TNFRSF10D: variants seen among roughly 807,000 people sequenced by gnomAD.
The protein encoded by TNFRSF10D is TNF receptor superfamily member 10d.
Under a neutral mutation model 42.1 loss-of-function variants are expected in TNFRSF10D, and 28 were observed. That is an observed-to-expected ratio of 0.66 (90% CI 0.49 to 0.91). The LOEUF is 0.91. TNFRSF10D is among the 40% of genes least tolerant of loss of function. The pLI is 0.00. For missense variants in TNFRSF10D, 503 were observed against 486.1 expected (o/e 1.03, Z -0.33); for synonymous variants, 186 against 189.4 (o/e 0.98, Z 0.15).
At chr8:23,158,271 A>G (rs1313964515) in intron 1 of TNFRSF10D, among the ~76,000 whole-genome samples, 1 of 152,190 alleles carries the variant, frequency 6.6e-6, no homozygotes, top group Non-Finnish European at 1.5e-5. Context: ...GAAGAGCTGA[A>G]GGTGCTGTGG....
At chr8:23,138,164 C>A in intron 8 of TNFRSF10D, 24 bp downstream of exon 8, 3 of 1,614,138 alleles carry the variant, frequency 1.9e-6, no homozygotes, top group Non-Finnish European at 2.5e-6. Flanking sequence ...CCTCCTGCTG[C>A]GTCTCAAGGC....
chr8:23,155,440 C>A (rs1398076931), intron 1 of TNFRSF10D, among the ~76,000 whole-genome samples: 1 of 151,974 alleles, frequency 6.6e-6, no homozygotes, highest in Non-Finnish European at 1.5e-5. Flanking sequence ...ACACAAAAGG[C>A]CAGGCGCGGT....
intron 2 of TNFRSF10D, among the ~76,000 whole-genome samples, chr8:23,153,625 C>T (rs754975337): frequency 6.6e-6 from 1 of 152,074 alleles, no homozygotes; most frequent in Non-Finnish European, 1.5e-5. Context: ...GAAAAAAATG[C>T]TCAACATCAC....
intron 7 of TNFRSF10D, among the ~76,000 whole-genome samples, chr8:23,140,748 C>T (rs1236678535): frequency 6.6e-6 from 1 of 152,200 alleles, no homozygotes; most frequent in East Asian, 1.9e-4. Flanking sequence ...CAGTCCCCTG[C>T]ACACGCTCTC....
chr8:23,157,832 G>T (rs1466612717), intron 1 of TNFRSF10D, among the ~76,000 whole-genome samples: 4 of 152,196 alleles, frequency 2.6e-5, no homozygotes, highest in African/African-American at 9.6e-5. Context: ...GTATGAGCAG[G>T]GTAGGAGAGG....
chr8:23,154,831 C>T (rs1015261508), intron 2 of TNFRSF10D, 43 bp downstream of exon 2: 3 of 1,545,396 alleles, frequency 1.9e-6, no homozygotes, highest in East Asian at 2.4e-5. Flanking sequence ...CAATGTTTAT[C>T]TGTCAACTAA....
At chr8:23,146,420 A>C (rs1336014643) in intron 4 of TNFRSF10D, among the ~76,000 whole-genome samples, 1 of 152,116 alleles carries the variant, frequency 6.6e-6, no homozygotes, top group South Asian at 2.1e-4. Flanking sequence ...ACTTAGTGAG[A>C]AATCGGGGGC....
At chr8:23,153,986 T>C (rs1387442612) in intron 2 of TNFRSF10D, among the ~76,000 whole-genome samples, 1 of 152,190 alleles carries the variant, frequency 6.6e-6, no homozygotes, top group African/African-American at 2.4e-5. Flanking sequence ...CCATCGATGA[T>C]GAAAAGGTAA....
intron 3 of TNFRSF10D, among the ~76,000 whole-genome samples, chr8:23,147,732 G>C (rs1800144080): frequency 6.6e-6 from 1 of 152,014 alleles, no homozygotes; most frequent in African/African-American, 2.4e-5. Context: ...TTCGAGACCA[G>C]CCTGGCCAAC....
rs1284862247 is a variant in TNFRSF10D at position 23,154,886 on chromosome 8, C to G, written c.244G>C (p.Glu82Gln). ...AATAAGAGTGCACCTGCTGGACACT[C>G]CTCCTCCTTGAGGCTGCGCCTCTGT... ...QQQRRSLKEE[E>Q]CPAGSHRSEY... The change falls in exon 2 of 9, where the codon GAG becomes CAG. Residue 82 changes from glutamate (E) to glutamine (Q), a missense_variant. Glu to Gln is a conservative substitution (Grantham distance 29). Transcript: ENST00000312584. 1 of 1,613,370 alleles carries G rather than the reference C, an allele frequency of 6.2e-7. No individual in the cohort carries two copies. The highest frequency in any genetic ancestry group is 2.2e-5 in the East Asian group (1 of 44,844).
At chr8:23,150,740 AAC>A (rs1215489893) in intron 2 of TNFRSF10D, among the ~76,000 whole-genome samples, 919 of 152,250 alleles carry the variant, frequency 6.0e-3, no homozygotes, top group African/African-American at 0.019. Context: ...TTCTAAAATT[AAC>A]AACAACACAA....
chr8:23,156,672 C>T (rs1800285407), intron 1 of TNFRSF10D, among the ~76,000 whole-genome samples: 1 of 151,950 alleles, frequency 6.6e-6, no homozygotes, highest in Non-Finnish European at 1.5e-5. Context: ...TCAAGTGGTC[C>T]TCCAACCTCA....
intron 7 of TNFRSF10D, among the ~76,000 whole-genome samples, chr8:23,138,985 T>C (rs1814395716): frequency 6.6e-6 from 1 of 152,210 alleles, no homozygotes; most frequent in Non-Finnish European, 1.5e-5. Flanking sequence ...CTGAAAGGTC[T>C]GGCCTAGGCA....
At chr8:23,140,993 C>A (rs748951327) in intron 7 of TNFRSF10D, among the ~76,000 whole-genome samples, 5 of 152,106 alleles carry the variant, frequency 3.3e-5, no homozygotes, top group African/African-American at 4.8e-5. Context: ...AAACTAGACC[C>A]CTACTTTTCA....
intron 7 of TNFRSF10D, among the ~76,000 whole-genome samples, chr8:23,143,694 C>A (rs1224419869): frequency 6.6e-6 from 1 of 152,088 alleles, no homozygotes; most frequent in Non-Finnish European, 1.5e-5. Context: ...CCTAAACAGG[C>A]GTGGAGGAAG....
intron 1 of TNFRSF10D, among the ~76,000 whole-genome samples, chr8:23,155,335 C>T (rs1348980712): frequency 6.6e-6 from 1 of 151,126 alleles, no homozygotes; most frequent in Non-Finnish European, 1.5e-5. Flanking sequence ...CAGCCTGGAA[C>T]TTCTGGCCTC....
chr8:23,162,964 C>G (rs1800393333), intron 1 of TNFRSF10D, among the ~76,000 whole-genome samples: 1 of 152,214 alleles, frequency 6.6e-6, no homozygotes, highest in Non-Finnish European at 1.5e-5. Context: ...CTCTGTCGCC[C>G]AGGCTGGAGT....
chr8:23,142,949 C>T (rs1414971010), intron 7 of TNFRSF10D, among the ~76,000 whole-genome samples: 1 of 152,040 alleles, frequency 6.6e-6, no homozygotes, highest in Non-Finnish European at 1.5e-5. Context: ...GGGACTACCA[C>T]TATGACTCAG....
chr8:23,155,991 G>A (rs1454444629), intron 1 of TNFRSF10D, among the ~76,000 whole-genome samples: 1 of 152,108 alleles, frequency 6.6e-6, no homozygotes, highest in Non-Finnish European at 1.5e-5. Context: ...ATCAAAGAGT[G>A]ACAGAAAAAG....
Sources: allele counts gnomAD v4.1 joint callset (sites outside exome capture counted in the v4.1 genomes callset), GRCh38; gene constraint gnomAD v4.1.1; transcripts MANE v1.5; gene names NCBI Gene and HGNC (gene_info 2026-07-23, HGNC 2026-07-21).